EXT1: variants seen among roughly 807,000 people sequenced by gnomAD.
EXT1 encodes the protein exostosin glycosyltransferase 1.
In EXT1, 20 loss-of-function variants were observed where a neutral mutation model predicts 82.5. That is an observed-to-expected ratio of 0.24 (90% CI 0.17 to 0.35). The LOEUF (loss-of-function observed/expected upper bound fraction) is 0.35, where lower values mean the gene tolerates loss of function less well. EXT1 is among the 10% of genes least tolerant of loss of function. The pLI is 1.00. For missense variants in EXT1, 757 were observed against 936.5 expected, an observed-to-expected ratio of 0.81 and a Z score of 2.50; for synonymous variants, 348 against 350.8, an observed-to-expected ratio of 0.99 and a Z score of 0.09.
intron 6 of EXT1, 100 bp downstream of exon 6, chr8:117,819,576 C>CG: frequency 1.0e-6 from 1 of 965,504 alleles, no homozygotes. Context: ...AGAGAAGTCC[C>CG]GGGGAGCCTG....
chr8:117,822,409 T>G, intron 5 of EXT1, 56 bp downstream of exon 5: 2 of 1,598,430 alleles, frequency 1.3e-6, no homozygotes, highest in Non-Finnish European at 1.7e-6. Flanking sequence ...GGCCTTTAGT[T>G]CTGTATGACA....
rs866649704 is a variant in EXT1, at chr8:118,031,126, G to C, written c.962+78959C>G. On this transcript the variant is annotated intron_variant, in intron 1 of 10. Coordinates refer to ENST00000378204, the MANE Select transcript of EXT1 (RefSeq NM_000127.3). ...TCTAAACAAAGTACAGATGGGGTGT[G>C]GGGGGAACAGCTGCTCCTCGGCTCC... is the stretch of plus-strand genomic sequence containing the variant. Among the ~76,000 whole-genome samples the C allele has an allele frequency of 2.0e-5, 3 of 152,248 alleles. No individual in the cohort carries two copies. In the South Asian group the frequency reaches 6.2e-4, roughly 32 times the overall value.
At chr8:117,876,105 C>T (rs1812965485) in intron 1 of EXT1, among the ~76,000 whole-genome samples, 1 of 152,156 alleles carries the variant, frequency 6.6e-6, no homozygotes, top group South Asian at 2.1e-4. Context: ...CCTAGGGGCA[C>T]TAAGAGTCTA....
chr8:117,914,036 T>TAG (rs1813700722), intron 1 of EXT1, among the ~76,000 whole-genome samples: 1 of 152,162 alleles, frequency 6.6e-6, no homozygotes, highest in Non-Finnish European at 1.5e-5. Context: ...ATATCCTACT[T>TAG]AACTTCTAAG....
intron 1 of EXT1, among the ~76,000 whole-genome samples, chr8:117,897,726 C>T (rs918304559): frequency 6.6e-6 from 1 of 151,014 alleles, no homozygotes; most frequent in African/African-American, 2.4e-5. Flanking sequence ...TTCCGAGTAG[C>T]TGGGATTACA....
chr8:117,905,917 C>G (rs540587135), intron 1 of EXT1, among the ~76,000 whole-genome samples: 105 of 152,314 alleles, frequency 6.9e-4, no homozygotes, highest in African/African-American at 2.4e-3. Context: ...TGAAAAAAAT[C>G]CATCACTTCC....
intron 1 of EXT1, among the ~76,000 whole-genome samples, chr8:118,096,108 T>A (rs1306124780): frequency 1.3e-5 from 2 of 152,040 alleles, no homozygotes; most frequent in Non-Finnish European, 2.9e-5. Flanking sequence ...GAGCAAAAAA[T>A]GTGAGCCAAA....
intron 1 of EXT1, among the ~76,000 whole-genome samples, chr8:117,873,447 CT>C (rs1184985472): frequency 0.21 from 20,641 of 99,182 alleles, 2,397 homozygotes; most frequent in East Asian, 0.32. Flanking sequence ...TGTCCTGTGA[CT>C]TTTTTTTTTT....
At chr8:117,867,505 T>C (rs1812795447) in intron 1 of EXT1, among the ~76,000 whole-genome samples, 1 of 152,130 alleles carries the variant, frequency 6.6e-6, no homozygotes, top group Non-Finnish European at 1.5e-5. Flanking sequence ...CCATTATGAA[T>C]TGGACTGGGA....
At chr8:117,910,412 C>G (rs1426632794) in intron 1 of EXT1, among the ~76,000 whole-genome samples, 5 of 152,212 alleles carry the variant, frequency 3.3e-5, no homozygotes, top group Admixed American at 3.3e-4. Context: ...AGATGGTCCA[C>G]CCGGTGTGGG....
intron 1 of EXT1, among the ~76,000 whole-genome samples, chr8:117,890,027 T>TC: frequency 6.6e-6 from 1 of 152,234 alleles, no homozygotes; most frequent in South Asian, 2.1e-4. Flanking sequence ...GAAAAATTTG[T>TC]CCCCCCAAAT....
intron 1 of EXT1, among the ~76,000 whole-genome samples, chr8:117,838,395 C>T (rs1433250763): frequency 6.6e-6 from 1 of 152,096 alleles, no homozygotes; most frequent in Non-Finnish European, 1.5e-5. Context: ...CTCATACAAA[C>T]TAGGCATACG....
intron 1 of EXT1, among the ~76,000 whole-genome samples, chr8:117,964,384 G>A (rs1814762921): frequency 6.6e-6 from 1 of 152,198 alleles, no homozygotes; most frequent in Admixed American, 6.5e-5. Flanking sequence ...ATGTGTGTAA[G>A]CATGATATTT....
At chr8:118,107,543 T>C (rs999887281) in intron 1 of EXT1, among the ~76,000 whole-genome samples, 1 of 152,300 alleles carries the variant, frequency 6.6e-6, no homozygotes, top group African/African-American at 2.4e-5. Context: ...TGGCATATCT[T>C]GACTTGAGGA....
chr8:117,847,555 C>A (rs1812382504), intron 1 of EXT1, among the ~76,000 whole-genome samples: 2 of 152,276 alleles, frequency 1.3e-5, no homozygotes, highest in Non-Finnish European at 1.5e-5. Flanking sequence ...CTTCTCCTGG[C>A]CTTCCTCCAT....
At chr8:117,893,900 T>A (rs1023170270) in intron 1 of EXT1, among the ~76,000 whole-genome samples, 1 of 152,178 alleles carries the variant, frequency 6.6e-6, no homozygotes, top group African/African-American at 2.4e-5. Flanking sequence ...CCACGCTGGT[T>A]ATCTCACCAA....
chr8:117,828,297 T>C (rs1290382515), intron 4 of EXT1, among the ~76,000 whole-genome samples: 19 of 152,164 alleles, frequency 1.2e-4, no homozygotes, highest in Admixed American at 1.2e-3. Flanking sequence ...ACTCCTTTAA[T>C]CCCACCAATT....
At chr8:117,822,383 A>G (rs1732865644) in intron 5 of EXT1, 82 bp downstream of exon 5, 6 of 1,466,356 alleles carry the variant, frequency 4.1e-6, no homozygotes, top group Non-Finnish European at 5.7e-6. Flanking sequence ...GGACCCCATT[A>G]GAGTAGAAGA....
intron 1 of EXT1, among the ~76,000 whole-genome samples, chr8:118,100,895 C>A (rs7008536): frequency 0.53 from 79,794 of 151,948 alleles, 23,001 homozygotes; most frequent in Middle Eastern, 0.66. Flanking sequence ...CACACACATG[C>A]AAGCCCCAGC....
Sources: gnomAD v4.1 joint callset for allele counts (sites outside exome capture counted in the v4.1 genomes callset) on GRCh38, gnomAD v4.1.1 for gene constraint, MANE v1.5 for transcripts, NCBI Gene and HGNC (gene_info 2026-07-23, HGNC 2026-07-21) for gene names.